Variants in HMCN2 observed in about 807,000 individuals in gnomAD.
HMCN2 encodes the protein hemicentin 2, also known as hemicentin-2.
A neutral mutation model predicts 377.5 loss-of-function variants in HMCN2; 325 were observed. The observed-to-expected ratio is 0.86, with a 90% confidence interval of 0.79 to 0.94. The LOEUF (loss-of-function observed/expected upper bound fraction) is 0.94. Among genes scored for constraint, HMCN2 ranks in the 40% least tolerant of loss-of-function variants. The pLI is 0.00. For synonymous variants in HMCN2, 2,007 were observed against 2,046.8 expected, an observed-to-expected ratio of 0.98 and a Z score of 0.53; for missense variants, 4,543 against 4,725.3, an observed-to-expected ratio of 0.96 and a Z score of 1.13.
intron 49 of HMCN2, among the ~76,000 whole-genome samples, chr9:130,375,355 C>A (rs1219577375): frequency 6.6e-6 from 1 of 152,158 alleles, no homozygotes; most frequent in African/African-American, 2.4e-5. Context: ...TATTGCTTAG[C>A]GTTTGGAGAG....
rs983215853 is a variant in HMCN2, at chr9:130,428,586, G to A, written c.14197+97G>A. On this transcript the variant is annotated intron_variant, in intron 93 of 97. Transcript: ENST00000683500. This position sits in a 1 kb window ranked among gnomAD's most constrained non-coding sequence, Gnocchi z 5.0. ...GGGGCTGTGTGTCACTGGGCTCTGG[G>A]CTTCCAGGAAGACTGGGACTCTTGG... 32 of 1,453,980 alleles carry A rather than the reference G, an allele frequency of 2.2e-5. No homozygotes were observed. In the Admixed American group the frequency reaches 3.9e-4, roughly 18 times the overall value. The allele number at this position is 1,453,980 out of a possible 1,614,324, so 90.1% of individuals were successfully genotyped here.
chr9:130,355,566 G>A (rs376208134), intron 32 of HMCN2, among the ~76,000 whole-genome samples, 180 bp from the exon 33 acceptor site: 111 of 152,332 alleles, frequency 7.3e-4, no homozygotes, highest in African/African-American at 2.3e-3. Context: ...TGGGGAGCCC[G>A]GGGTGTCCCC....
At chr9:130,355,623 C>A in intron 32 of HMCN2, 123 bp from the exon 33 acceptor site, 1 of 512,214 alleles carries the variant, frequency 2.0e-6, no homozygotes, top group Non-Finnish European at 3.6e-6. Flanking sequence ...GGAAGGGCCA[C>A]TGATAGGGAG....
chr9:130,385,036 G>A (rs1359427551), intron 59 of HMCN2, among the ~76,000 whole-genome samples: 4 of 152,202 alleles, frequency 2.6e-5, no homozygotes, highest in African/African-American at 9.7e-5. Flanking sequence ...AGTGGAGCCT[G>A]TTTCAAGGCT....
chr9:130,281,596 T>G (rs1224164231), intron 1 of HMCN2, among the ~76,000 whole-genome samples: 1 of 58,374 alleles, frequency 1.7e-5, no homozygotes, highest in African/African-American at 1.1e-4. Flanking sequence ...AGACTCAGTC[T>G]CAAAAAAAAA....
intron 13 of HMCN2, 45 bp from the exon 14 acceptor site, chr9:130,307,408 A>G: frequency 2.1e-6 from 1 of 469,360 alleles, no homozygotes; most frequent in Non-Finnish European, 4.4e-6. Context: ...TTTCTTTATG[A>G]CCTTTGAAGG....
At position 130,382,295 on chromosome 9, in the gene HMCN2, T is replaced by G; in HGVS notation, c.8543T>G (p.Leu2848Arg). 1 of 985,260 alleles carries G rather than the reference T, an allele frequency of 1.0e-6. No homozygotes were observed. Among genetic ancestry groups the G allele is most frequent in the Non-Finnish European group, 1.2e-6 (1 of 829,416 alleles). The allele number at this position is 985,260 out of a possible 1,614,324, so 61.0% of individuals were successfully genotyped here. Residue 2848 changes from leucine (L) to arginine (R), a missense_variant and splice_region_variant, in exon 55 of 98, where the codon CTG becomes CGG. Coordinates refer to ENST00000683500, the MANE Select transcript of HMCN2 (RefSeq NM_001291815.2). Reference sequence around the variant, plus strand: ...TGGCTGCACTACGAGCTGCTGGTGCTGAGTGAGTGGCGGGGCCTGCAGGTG... The same window carrying G: ...TGGCTGCACTACGAGCTGCTGGTGCGGAGTGAGTGGCGGGGCCTGCAGGTG... ...EDWLHYELLVLTPPVILGDTE... is the reference protein window; with the variant it reads ...EDWLHYELLVRTPPVILGDTE...
Position 130,348,556 on chromosome 9 carries a change from A to G in HMCN2, c.4036A>G (p.Ile1346Val), listed in dbSNP as rs1839517129. The change falls in exon 27 of 98, where the codon ATC becomes GTC. Residue 1346 changes from isoleucine (I) to valine (V), a missense_variant. Transcript: ENST00000683500. ...AKLVVYVPPS[I>V]REDGRKANVS... ...TCCTTGCCCCCAAGTGCCCCCCAGC[A>G]TCCGGGAGGACGGGCGCAAGGCCAA... The G allele has an allele frequency of 1.5e-6, 2 of 1,303,726 alleles. No homozygotes were observed. Among genetic ancestry groups the G allele is most frequent in the Non-Finnish European group, 2.0e-6 (2 of 988,580 alleles). The allele number at this position is 1,303,726 out of a possible 1,614,324, so 80.8% of individuals were successfully genotyped here.
At chr9:130,409,869 C>A (rs892848409) in intron 84 of HMCN2, among the ~76,000 whole-genome samples, 1 of 152,116 alleles carries the variant, frequency 6.6e-6, no homozygotes, top group African/African-American at 2.4e-5. Context: ...TGGGTGTGGC[C>A]CCCCAGATAC....
chr9:130,370,784 C>T (rs1038645009), intron 45 of HMCN2, among the ~76,000 whole-genome samples, 180 bp from the exon 46 acceptor site: 11 of 152,214 alleles, frequency 7.2e-5, no homozygotes, highest in African/African-American at 1.4e-4. Flanking sequence ...CAGCCTGTGG[C>T]GCCATGGGCT....
chr9:130,281,682 T>G (rs1460074102), intron 1 of HMCN2, among the ~76,000 whole-genome samples: 2 of 149,914 alleles, frequency 1.3e-5, no homozygotes, highest in Non-Finnish European at 3.0e-5. Context: ...TCACCTGAGG[T>G]CAGGAGTTTG....
intron 52 of HMCN2, 69 bp from the exon 53 acceptor site, chr9:130,377,580 A>C (rs890167512): frequency 8.9e-5 from 77 of 866,220 alleles, no homozygotes; most frequent in Non-Finnish European, 1.0e-4. Flanking sequence ...AATTAAGCAC[A>C]TTTGTCTTGC....
At chr9:130,276,418 G>A (rs1347389161) in intron 1 of HMCN2, among the ~76,000 whole-genome samples, 1 of 152,204 alleles carries the variant, frequency 6.6e-6, no homozygotes, top group Non-Finnish European at 1.5e-5. Context: ...GAGCAGGACG[G>A]GGAACAGCAC....
intron 26 of HMCN2, 48 bp from the exon 27 acceptor site, chr9:130,348,497 G>A (rs1284729660): frequency 5.4e-6 from 7 of 1,295,318 alleles, no homozygotes; most frequent in Non-Finnish European, 7.1e-6. Flanking sequence ...TTCGGCTGTG[G>A]CTCTAAGGGG....
intron 8 of HMCN2, among the ~76,000 whole-genome samples, chr9:130,300,520 G>A (rs1836448154): frequency 2.6e-5 from 4 of 152,222 alleles, no homozygotes; most frequent in Admixed American, 2.6e-4. Flanking sequence ...TCAGAGATGT[G>A]TCCCCACTTC....
At chr9:130,358,026 G>T (rs539047209) in intron 35 of HMCN2, 38 bp downstream of exon 35, 1 of 1,290,456 alleles carries the variant, frequency 7.7e-7, no homozygotes, top group Non-Finnish European at 1.0e-6. Flanking sequence ...AGCCAGCTGG[G>T]CACAGGTGGA....
chr9:130,316,036 C>G (rs1837544335), intron 15 of HMCN2, among the ~76,000 whole-genome samples: 2 of 152,206 alleles, frequency 1.3e-5, no homozygotes, highest in South Asian at 4.1e-4. Flanking sequence ...CAGGCAAAGC[C>G]ACGGTCCAGC....
intron 85 of HMCN2, among the ~76,000 whole-genome samples, chr9:130,416,842 A>G (rs1026447452): frequency 1.1e-4 from 16 of 151,710 alleles, no homozygotes; most frequent in Admixed American, 9.2e-4. Context: ...TTGCAAATGT[A>G]ATTAAGTTAA....
chr9:130,372,193 G>A (rs891860177), intron 46 of HMCN2, 101 bp from the exon 47 acceptor site: 3 of 216,440 alleles, frequency 1.4e-5, no homozygotes, highest in African/African-American at 2.4e-5. Flanking sequence ...ACATGTACAC[G>A]CCTAATTATA....
Sources: allele counts gnomAD v4.1 joint callset (sites outside exome capture counted in the v4.1 genomes callset), GRCh38; gene constraint gnomAD v4.1.1; non-coding constraint Gnocchi (gnomAD v3.1); transcripts MANE v1.5; gene names NCBI Gene and HGNC (gene_info 2026-07-23, HGNC 2026-07-21).